CDIN1: variants seen among roughly 807,000 people sequenced by gnomAD.
The protein encoded by CDIN1 is CDAN1 interacting nuclease 1.
In CDIN1, 33 loss-of-function variants were observed where a neutral mutation model predicts 45.3. The ratio of observed to expected loss-of-function variants is 0.73; its 90% CI spans 0.55 to 0.97. CDIN1 has a LOEUF of 0.97. CDIN1 is among the 50% of genes least tolerant of loss of function. The pLI is 0.00. For missense variants in CDIN1, 303 were observed against 339.4 expected, an observed-to-expected ratio of 0.89 and a Z score of 0.84; for synonymous variants, 118 against 124.4, an observed-to-expected ratio of 0.95 and a Z score of 0.34.
intron 10 of CDIN1, among the ~76,000 whole-genome samples, chr15:36,718,400 G>A (rs1171581104): frequency 6.6e-6 from 1 of 152,072 alleles, no homozygotes; most frequent in African/African-American, 2.4e-5. Flanking sequence ...AAAGCCTGCT[G>A]CGATTTAGAT....
chr15:36,717,572 T>A (rs1437788043), intron 10 of CDIN1, among the ~76,000 whole-genome samples: 1 of 152,148 alleles, frequency 6.6e-6, no homozygotes, highest in East Asian at 1.9e-4. Flanking sequence ...CACCTGTTGA[T>A]GGACATTGGG....
At chr15:36,721,466 A>G (rs910703534) in intron 10 of CDIN1, among the ~76,000 whole-genome samples, 13 of 152,126 alleles carry the variant, frequency 8.5e-5, no homozygotes, top group Non-Finnish European at 1.5e-4. Context: ...TTTGTTTTGA[A>G]ATATTTGAGA....
At chr15:36,688,839 C>A (rs2042146567) in intron 5 of CDIN1, among the ~76,000 whole-genome samples, 1 of 152,166 alleles carries the variant, frequency 6.6e-6, no homozygotes, top group Admixed American at 6.5e-5. Context: ...CATTCTCTGG[C>A]TTGATCTGAG....
intron 1 of CDIN1, among the ~76,000 whole-genome samples, chr15:36,591,598 A>T (rs1263087412): frequency 6.6e-6 from 1 of 152,238 alleles, no homozygotes; most frequent in African/African-American, 2.4e-5. Flanking sequence ...TAACATGTTC[A>T]GTTTTTTATT....
At position 36,691,696 on chromosome 15, in the gene CDIN1, A is replaced by G. The variant is rs1427852806; in HGVS notation, c.358A>G (p.Ile120Val). ...CTTTTCTTCTACAGCCTCCAAGTCT[A>G]TTATAAATAGTATGCTACGGGACCC... ...EHEETPPSKS[I>V]INSMLRDPSQ... is the part of the protein sequence containing the mutation. Residue 120 changes from isoleucine to valine, a missense_variant, in exon 6 of 11, where the codon ATT becomes GTT. Transcript: ENST00000566621. 1.3e-6 allele frequency: 2 copies of G among 1,597,540 alleles called. No homozygotes were observed. Among genetic ancestry groups the G allele is most frequent in the African/African-American group, 2.7e-5 (2 of 74,652 alleles).
chr15:36,618,438 C>G, intron 1 of CDIN1: 1 of 841,890 alleles, frequency 1.2e-6, no homozygotes, highest in South Asian at 1.4e-5. Flanking sequence ...TTTCAGAGGT[C>G]GAAGATGACG....
At position 36,716,081 on chromosome 15, in the gene CDIN1, A is replaced by G. The variant is rs571386803; in HGVS notation, c.716+6120A>G. On this transcript the variant is annotated intron_variant, in intron 10 of 10. Transcript: ENST00000566621. The stretch of plus-strand genomic sequence containing the variant: ...AATTGTTGAGAAACTAGAATGACTT[A>G]AATCAAAGAAAACAGATCTATAAGG... Among the ~76,000 whole-genome samples the G allele has an allele frequency of 1.1e-4, 17 of 152,284 alleles. No homozygotes were observed. In the East Asian group the frequency reaches 3.3e-3, roughly 29 times the overall value.
At chr15:36,805,522 A>G (rs8025398) in intron 10 of CDIN1, among the ~76,000 whole-genome samples, 149,105 of 152,312 alleles carry the variant, frequency 0.98, 73,048 homozygotes, top group Middle Eastern at 1. Flanking sequence ...CATCAAAAAG[A>G]GGAAATGGTT....
chr15:36,652,879 G>C (rs2040628316), intron 3 of CDIN1, among the ~76,000 whole-genome samples: 1 of 152,150 alleles, frequency 6.6e-6, no homozygotes, highest in Non-Finnish European at 1.5e-5. Flanking sequence ...ATTACTGTCA[G>C]ACAAATACCC....
At chr15:36,716,640 T>C (rs1566926124) in intron 10 of CDIN1, among the ~76,000 whole-genome samples, 1 of 152,190 alleles carries the variant, frequency 6.6e-6, no homozygotes, top group Non-Finnish European at 1.5e-5. Context: ...CAGCCTGGAC[T>C]CTGGGATTTT....
intron 10 of CDIN1, among the ~76,000 whole-genome samples, chr15:36,759,322 A>C (rs2053694829): frequency 6.6e-6 from 1 of 152,164 alleles, no homozygotes; most frequent in African/African-American, 2.4e-5. Context: ...TCTTCCCCTG[A>C]AAATGCAACC....
intron 1 of CDIN1, among the ~76,000 whole-genome samples, chr15:36,639,169 A>G (rs1004711184): frequency 3.3e-5 from 5 of 152,150 alleles, no homozygotes; most frequent in Admixed American, 3.3e-4. Flanking sequence ...AGCCTGGGGC[A>G]GTAACCACTT....
intron 1 of CDIN1, among the ~76,000 whole-genome samples, chr15:36,593,835 A>G (rs2037695222): frequency 6.6e-6 from 1 of 152,150 alleles, no homozygotes. Context: ...AAGTGCTGGG[A>G]TTACAGGCTT....
chr15:36,703,419 A>T (rs1167476195), intron 8 of CDIN1, among the ~76,000 whole-genome samples: 78 of 138,282 alleles, frequency 5.6e-4, no homozygotes, highest in Non-Finnish European at 6.8e-4. Context: ...CATATATATC[A>T]GATATATATA....
At chr15:36,767,975 T>A (rs565974528) in intron 10 of CDIN1, among the ~76,000 whole-genome samples, 1 of 152,184 alleles carries the variant, frequency 6.6e-6, no homozygotes, top group Non-Finnish European at 1.5e-5. Flanking sequence ...GGAAACCACC[T>A]AAGGAAGAGA....
At chr15:36,759,968 C>G (rs898239938) in intron 10 of CDIN1, among the ~76,000 whole-genome samples, 1 of 152,144 alleles carries the variant, frequency 6.6e-6, no homozygotes, top group Non-Finnish European at 1.5e-5. Context: ...ATTGAGAACA[C>G]AATTCAACAT....
intron 5 of CDIN1, among the ~76,000 whole-genome samples, chr15:36,661,310 A>G (rs192702708): frequency 5.1e-4 from 77 of 152,302 alleles, no homozygotes; most frequent in African/African-American, 1.6e-3. Flanking sequence ...CATGCCATCA[A>G]TCCAAGTGAT....
At chr15:36,747,030 C>T (rs1466624865) in intron 10 of CDIN1, 6 of 397,374 alleles carry the variant, frequency 1.5e-5, no homozygotes, top group Non-Finnish European at 2.2e-5. Context: ...ATTACAGGAG[C>T]GAGGAAACAT....
chr15:36,598,485 C>A (rs997423918), intron 1 of CDIN1, among the ~76,000 whole-genome samples: 1 of 152,044 alleles, frequency 6.6e-6, no homozygotes, highest in Non-Finnish European at 1.5e-5. Flanking sequence ...TTGAAAAGCC[C>A]TATTGACCTT....
Sources: gnomAD v4.1 joint callset for allele counts (sites outside exome capture counted in the v4.1 genomes callset) on GRCh38, gnomAD v4.1.1 for gene constraint, MANE v1.5 for transcripts, NCBI Gene and HGNC (gene_info 2026-07-23, HGNC 2026-07-21) for gene names.